CYP19A1: variants seen among roughly 807,000 people sequenced by gnomAD.
CYP19A1 encodes cytochrome P450 family 19 subfamily A member 1, also known as aromatase.
Under a neutral mutation model 44.4 loss-of-function variants are expected in CYP19A1, and 32 were observed. The ratio of observed to expected loss-of-function variants is 0.72; its 90% CI spans 0.54 to 0.97. The LOEUF is 0.97. Among genes scored for constraint, CYP19A1 ranks in the 50% least tolerant of loss-of-function variants. The pLI, the probability that CYP19A1 is intolerant of heterozygous loss-of-function variation, is 0.00. For synonymous variants in CYP19A1, 212 were observed against 215.6 expected (o/e 0.98, Z 0.14); for missense variants, 598 against 637.8 (o/e 0.94, Z 0.67).
At chr15:51,333,796 G>A (rs1439705344) in intron 1 of CYP19A1, among the ~76,000 whole-genome samples, 1 of 152,182 alleles carries the variant, frequency 6.6e-6, no homozygotes, top group Non-Finnish European at 1.5e-5. Context: ...ATATTGGCAG[G>A]AATCCCTTTT....
At chr15:51,267,065 T>C (rs2140945362) in intron 1 of CYP19A1, among the ~76,000 whole-genome samples, 1 of 152,272 alleles carries the variant, frequency 6.6e-6, no homozygotes, top group East Asian at 1.9e-4. Context: ...CCCAGACACA[T>C]TCCCTGCTCT....
chr15:51,228,389 A>T (rs2141080931), intron 3 of CYP19A1, among the ~76,000 whole-genome samples: 1 of 152,374 alleles, frequency 6.6e-6, no homozygotes, highest in African/African-American at 2.4e-5. Flanking sequence ...TTGTGGAATT[A>T]CTAAAGTCTT....
intron 1 of CYP19A1, among the ~76,000 whole-genome samples, chr15:51,294,193 T>A (rs1461894817): frequency 4.1e-5 from 5 of 122,624 alleles, no homozygotes; most frequent in Non-Finnish European, 7.8e-5. Flanking sequence ...GTGAGGAGCG[T>A]CTCTGCCCGG....
intron 1 of CYP19A1, among the ~76,000 whole-genome samples, chr15:51,292,513 T>C (rs995590403): frequency 6.6e-6 from 1 of 152,236 alleles, no homozygotes; most frequent in African/African-American, 2.4e-5. Context: ...AAACTGGCAA[T>C]CATCTCTGTC....
intron 1 of CYP19A1, among the ~76,000 whole-genome samples, chr15:51,290,065 C>T (rs2035807698): frequency 6.6e-6 from 1 of 152,230 alleles, no homozygotes. Context: ...CCTGGGGTCA[C>T]AGCCCCAGTG....
intron 1 of CYP19A1, among the ~76,000 whole-genome samples, chr15:51,252,737 G>T (rs2034368739): frequency 6.6e-6 from 1 of 152,148 alleles, no homozygotes; most frequent in Non-Finnish European, 1.5e-5. Context: ...GGAGGCCACT[G>T]TCTTCACCTC....
chr15:51,294,071 G>A, intron 1 of CYP19A1, among the ~76,000 whole-genome samples: 1 of 135,902 alleles, frequency 7.4e-6, no homozygotes, highest in African/African-American at 3.4e-5. Flanking sequence ...TGGAAAGTGA[G>A]GAGCGTCTCT....
intron 1 of CYP19A1, among the ~76,000 whole-genome samples, chr15:51,274,202 G>A (rs2035226053): frequency 1.3e-5 from 2 of 152,318 alleles, no homozygotes; most frequent in Admixed American, 1.3e-4. Flanking sequence ...CAAGCAGGGT[G>A]AACATGTCTG....
At chr15:51,326,313 C>T (rs1274190832) in intron 1 of CYP19A1, among the ~76,000 whole-genome samples, 2 of 152,178 alleles carry the variant, frequency 1.3e-5, no homozygotes, top group African/African-American at 4.8e-5. Context: ...AGAGGCGAAG[C>T]TCTTCTAGAA....
At chr15:51,261,095 C>A (rs2034701068) in intron 1 of CYP19A1, among the ~76,000 whole-genome samples, 1 of 152,226 alleles carries the variant, frequency 6.6e-6, no homozygotes, top group Admixed American at 6.5e-5. Flanking sequence ...GGGCTAGAGG[C>A]TCGCCATTGT....
chr15:51,241,676 G>A (rs1368786587), intron 2 of CYP19A1, among the ~76,000 whole-genome samples: 1 of 152,092 alleles, frequency 6.6e-6, no homozygotes, highest in Non-Finnish European at 1.5e-5. Flanking sequence ...TGAAACAGTT[G>A]TCCCTTAGCT....
At chr15:51,248,333 G>A (rs532426007) in intron 1 of CYP19A1, among the ~76,000 whole-genome samples, 111 of 152,194 alleles carry the variant, frequency 7.3e-4, no homozygotes, top group African/African-American at 2.5e-3. Context: ...CAACCTTCAC[G>A]GAGCTACACA....
At chr15:51,285,600 T>G (rs2035671162) in intron 1 of CYP19A1, among the ~76,000 whole-genome samples, 1 of 152,326 alleles carries the variant, frequency 6.6e-6, no homozygotes, top group Admixed American at 6.5e-5. Context: ...GGTCTAGACT[T>G]GCTGGCTCCT....
chr15:51,318,471 C>G (rs1031990942), intron 1 of CYP19A1: 3 of 152,310 alleles, frequency 2.0e-5, no homozygotes, highest in Non-Finnish European at 2.9e-5. Context: ...GACCTCCTGT[C>G]AGGCTCCAGT....
At chr15:51,256,176 A>G (rs2034506137) in intron 1 of CYP19A1, among the ~76,000 whole-genome samples, 1 of 152,238 alleles carries the variant, frequency 6.6e-6, no homozygotes, top group African/African-American at 2.4e-5. Flanking sequence ...TTGGCTCTAG[A>G]GAGCCTGCTC....
chr15:51,329,014 C>T (rs1236615542), intron 1 of CYP19A1, among the ~76,000 whole-genome samples: 1 of 152,168 alleles, frequency 6.6e-6, no homozygotes, highest in Non-Finnish European at 1.5e-5. Flanking sequence ...TCGTAGGTCT[C>T]CAGCTTGCCA....
chr15:51,257,801 T>C (rs932929920), intron 1 of CYP19A1, among the ~76,000 whole-genome samples: 2 of 152,246 alleles, frequency 1.3e-5, no homozygotes, highest in Middle Eastern at 3.4e-3. Flanking sequence ...CTGTGGAACA[T>C]AATAACTTTT....
At chr15:51,260,444 G>T (rs752839920) in intron 1 of CYP19A1, among the ~76,000 whole-genome samples, 3 of 152,238 alleles carry the variant, frequency 2.0e-5, no homozygotes, top group Non-Finnish European at 4.4e-5. Context: ...CACACAGATA[G>T]CTTGGAAAGA....
intron 1 of CYP19A1, among the ~76,000 whole-genome samples, chr15:51,280,607 T>G (rs2035486162): frequency 6.6e-6 from 1 of 152,182 alleles, no homozygotes; most frequent in Non-Finnish European, 1.5e-5. Flanking sequence ...AGGCTCCAGG[T>G]TCTCATCTAC....
Sources: allele counts gnomAD v4.1 joint callset (sites outside exome capture counted in the v4.1 genomes callset), GRCh38; gene constraint gnomAD v4.1.1; transcripts MANE v1.5; gene names NCBI Gene and HGNC (gene_info 2026-07-23, HGNC 2026-07-21).